The following ME1 variants were observed in gnomAD, a reference collection of about 807,000 sequenced individuals.
ME1 encodes NADP-dependent malic enzyme.
Under a neutral mutation model 66.4 loss-of-function variants are expected in ME1, and 74 were observed. That is an observed-to-expected ratio of 1.11 (90% CI 0.92 to 1.35). The LOEUF (loss-of-function observed/expected upper bound fraction) is 1.35, where lower values mean the gene tolerates loss of function less well. ME1 is among the 40% of genes most tolerant of loss of function. The probability of loss-of-function intolerance (pLI) is 0.00; values close to 1 mark genes in which losing one functional copy is unlikely to be tolerated. For synonymous variants in ME1, 251 were observed against 235.6 expected (o/e 1.07, Z -0.60); for missense variants, 750 against 694.1 (o/e 1.08, Z -0.90).
intron 6 of ME1, among the ~76,000 whole-genome samples, chr6:83,274,892 C>T (rs1240922243): frequency 1.3e-5 from 2 of 152,012 alleles, no homozygotes; most frequent in Non-Finnish European, 2.9e-5. Flanking sequence ...GTAATAAACT[C>T]CCAGTGATAT....
rs573498834 is a variant in ME1, at chr6:83,381,950, A to G, written c.362+16417T>C. Among the ~76,000 whole-genome samples, 4 of 151,994 alleles carry G rather than the reference A, an allele frequency of 2.6e-5. No homozygotes were observed. The South Asian group carries it at 8.3e-4, about 31-fold the overall frequency. On this transcript the variant is annotated intron_variant, in intron 3 of 13. Coordinates refer to ENST00000369705, the MANE Select transcript of ME1 (RefSeq NM_002395.6). ...CACACCCTGCATGAGACTGCTGTCTACCTCAAACTTCATCTCATGCCACCT... is the reference window on the plus strand; with the variant it reads ...CACACCCTGCATGAGACTGCTGTCTGCCTCAAACTTCATCTCATGCCACCT...
At chr6:83,273,067 C>A (rs1191990888) in intron 6 of ME1, among the ~76,000 whole-genome samples, 1 of 150,596 alleles carries the variant, frequency 6.6e-6, no homozygotes, top group African/African-American at 2.5e-5. Flanking sequence ...ATCCCAGCTA[C>A]TCGGGAGGCT....
At chr6:83,234,521 A>G (rs1461320907) in intron 9 of ME1, among the ~76,000 whole-genome samples, 9 of 152,144 alleles carry the variant, frequency 5.9e-5, no homozygotes, top group Admixed American at 5.9e-4. Flanking sequence ...CAAGGAGTCC[A>G]TCTAGACTCC....
intron 6 of ME1, among the ~76,000 whole-genome samples, chr6:83,294,869 G>A (rs866765596): frequency 4.6e-5 from 7 of 152,164 alleles, no homozygotes; most frequent in Admixed American, 2.0e-4. Flanking sequence ...AGAAGAAAAG[G>A]GGAAGTGAGA....
chr6:83,398,817 A>G (rs1311706553), intron 2 of ME1, among the ~76,000 whole-genome samples: 2 of 149,554 alleles, frequency 1.3e-5, no homozygotes, highest in African/African-American at 2.5e-5. Flanking sequence ...TAAAAATACA[A>G]AAGTGGCCGG....
intron 3 of ME1, chr6:83,392,896 C>A: frequency 1.3e-6 from 1 of 797,308 alleles, no homozygotes; most frequent in South Asian, 1.3e-5. Context: ...ACGCCCCTGG[C>A]CAAGGTCATC....
Position 83,407,816 on chromosome 6 carries a change from ACCTGGATCT to A in ME1, c.155_163del (p.Glu52_Gln54del). On this transcript the variant is annotated inframe_deletion, in exon 2 of 14. Coordinates refer to ENST00000369705, the MANE Select transcript of ME1 (RefSeq NM_002395.6). The stretch of plus-strand genomic sequence containing the variant: ...CTCGAAATTTTTTACTACTCTAAGA[ACCTGGATCT>A]CCTGACTGTTGAAGGAAGGTGGCAA... 6.2e-7 allele frequency: 1 copy of A among 1,612,874 alleles called. No homozygotes were observed. Among genetic ancestry groups the A allele is most frequent in the Non-Finnish European group, 8.5e-7 (1 of 1,179,674 alleles).
intron 3 of ME1, among the ~76,000 whole-genome samples, chr6:83,363,033 C>T (rs781226717): frequency 1.3e-5 from 2 of 152,084 alleles, no homozygotes; most frequent in Admixed American, 6.6e-5. Flanking sequence ...GCAAAGTTCT[C>T]CAGAAGGCCA....
chr6:83,232,314 G>A (rs1399676864), intron 9 of ME1, among the ~76,000 whole-genome samples: 1 of 152,108 alleles, frequency 6.6e-6, no homozygotes, highest in Non-Finnish European at 1.5e-5. Context: ...TGCATTTGTT[G>A]CAAATCAGGT....
intron 6 of ME1, among the ~76,000 whole-genome samples, chr6:83,276,278 G>A (rs1035254745): frequency 2.6e-5 from 4 of 152,100 alleles, no homozygotes; most frequent in African/African-American, 9.7e-5. Context: ...TCCAGTAAAG[G>A]CTGATTTCTT....
chr6:83,416,686 C>G (rs1054525504), intron 1 of ME1, among the ~76,000 whole-genome samples: 1 of 151,820 alleles, frequency 6.6e-6, no homozygotes, highest in Non-Finnish European at 1.5e-5. Flanking sequence ...CTCAGGAGTG[C>G]GAGACCAGCC....
intron 6 of ME1, among the ~76,000 whole-genome samples, chr6:83,292,316 T>C (rs1767518589): frequency 6.6e-6 from 1 of 152,184 alleles, no homozygotes; most frequent in South Asian, 2.1e-4. Context: ...TGGATGTCCT[T>C]CTTGTTGATG....
intron 5 of ME1, among the ~76,000 whole-genome samples, chr6:83,334,302 C>T (rs1262862690): frequency 7.8e-6 from 1 of 128,326 alleles, no homozygotes; most frequent in Non-Finnish European, 1.6e-5. Context: ...CCACACCTGG[C>T]TCAGAGGGTC....
chr6:83,301,653 T>C (rs897585459), intron 6 of ME1, among the ~76,000 whole-genome samples: 1 of 152,110 alleles, frequency 6.6e-6, no homozygotes, highest in African/African-American at 2.4e-5. Flanking sequence ...AACAAATATT[T>C]TTCAGAAGAA....
At chr6:83,235,519 G>C (rs1229020391) in intron 9 of ME1, among the ~76,000 whole-genome samples, 2 of 144,844 alleles carry the variant, frequency 1.4e-5, no homozygotes, top group Non-Finnish European at 3.0e-5. Flanking sequence ...CACCCAGGAT[G>C]GAGTGCAGTG....
At chr6:83,248,742 C>T (rs925280989) in intron 7 of ME1, among the ~76,000 whole-genome samples, 3 of 152,130 alleles carry the variant, frequency 2.0e-5, no homozygotes, top group African/African-American at 4.8e-5. Flanking sequence ...TTCCTCTTTG[C>T]CTTCTACGAT....
intron 3 of ME1, among the ~76,000 whole-genome samples, chr6:83,380,045 T>C (rs1437504329): frequency 6.6e-6 from 1 of 152,144 alleles, no homozygotes; most frequent in Non-Finnish European, 1.5e-5. Flanking sequence ...TGGCAATGTT[T>C]GTCATAGTTT....
intron 3 of ME1, among the ~76,000 whole-genome samples, chr6:83,386,876 G>A (rs1769513965): frequency 6.6e-6 from 1 of 151,970 alleles, no homozygotes; most frequent in Admixed American, 6.6e-5. Flanking sequence ...CTACAACCCA[G>A]AAGAGGGTCC....
intron 5 of ME1, among the ~76,000 whole-genome samples, chr6:83,322,674 G>A (rs533274659): frequency 5.3e-5 from 8 of 152,290 alleles, no homozygotes; most frequent in Middle Eastern, 3.4e-3. Flanking sequence ...CCAAACTGAC[G>A]TTTGGTTGGT....
Sources: allele counts gnomAD v4.1 joint callset (sites outside exome capture counted in the v4.1 genomes callset), GRCh38; gene constraint gnomAD v4.1.1; transcripts MANE v1.5; gene names NCBI Gene and HGNC (gene_info 2026-07-23, HGNC 2026-07-21).